Variants in TSHZ2 observed in about 807,000 individuals in gnomAD.
TSHZ2 encodes teashirt zinc finger homeobox 2.
In TSHZ2, 21 loss-of-function variants were observed where a neutral mutation model predicts 74.4. The ratio of observed to expected loss-of-function variants is 0.28; its 90% CI spans 0.20 to 0.41. TSHZ2 has a LOEUF of 0.41. Ranked by LOEUF, TSHZ2 falls within the 10% of genes least tolerant of loss-of-function variation. The probability of loss-of-function intolerance (pLI) is 1.00; values close to 1 mark genes in which losing one functional copy is unlikely to be tolerated. For missense variants in TSHZ2, 1,244 were observed against 1,293.5 expected, an observed-to-expected ratio of 0.96 and a Z score of 0.59; for synonymous variants, 540 against 515.3, an observed-to-expected ratio of 1.05 and a Z score of -0.65.
chr20:53,481,341 G>A (rs1007449753), intron 2 of TSHZ2, among the ~76,000 whole-genome samples: 4 of 152,104 alleles, frequency 2.6e-5, no homozygotes, highest in African/African-American at 7.2e-5. Context: ...GGAGGTCAAG[G>A]CAATAGGATT....
chr20:53,091,494 A>G (rs1985884452), intron 1 of TSHZ2, among the ~76,000 whole-genome samples: 1 of 152,224 alleles, frequency 6.6e-6, no homozygotes, highest in South Asian at 2.1e-4. Context: ...TTTACCTACT[A>G]CTTAAATCCT....
chr20:53,381,509 C>G (rs142137841), intron 2 of TSHZ2, among the ~76,000 whole-genome samples: 496 of 152,306 alleles, frequency 3.3e-3, no homozygotes, highest in Non-Finnish European at 5.9e-3. Flanking sequence ...ATGTCAGGTA[C>G]AATTTTCACA....
chr20:53,446,518 G>T (rs1337558560), intron 2 of TSHZ2, among the ~76,000 whole-genome samples: 1 of 148,616 alleles, frequency 6.7e-6, no homozygotes, highest in African/African-American at 2.5e-5. Context: ...GGCAGAGCTT[G>T]CAGTGAGTCA....
chr20:53,083,149 G>A (rs1985587749), intron 1 of TSHZ2, among the ~76,000 whole-genome samples: 1 of 152,202 alleles, frequency 6.6e-6, no homozygotes. Flanking sequence ...TAGGTATACA[G>A]CTAATCATTT....
At chr20:53,018,981 C>T (rs530489655) in intron 1 of TSHZ2, among the ~76,000 whole-genome samples, 30 of 152,274 alleles carry the variant, frequency 2.0e-4, no homozygotes, top group Non-Finnish European at 3.1e-4. Context: ...CTCTCATTTG[C>T]TCAATATTTG....
chr20:53,022,814 T>C (rs1983293953), intron 1 of TSHZ2, among the ~76,000 whole-genome samples: 1 of 152,244 alleles, frequency 6.6e-6, no homozygotes, highest in African/African-American at 2.4e-5. Flanking sequence ...GGAGTTCCTT[T>C]GTGTGAACCT....
chr20:53,383,578 G>T (rs1981935628), intron 2 of TSHZ2, among the ~76,000 whole-genome samples: 1 of 152,044 alleles, frequency 6.6e-6, no homozygotes, highest in Non-Finnish European at 1.5e-5. Flanking sequence ...TGGCCAATAT[G>T]GTGAAACCCC....
rs138685671 is a variant in TSHZ2 at position 53,409,597 on chromosome 20, T to A, written c.*9-77547T>A. On this transcript the variant is annotated intron_variant, in intron 2 of 2. Coordinates refer to ENST00000371497, the MANE Select transcript of TSHZ2 (RefSeq NM_173485.6). ...TGTAGTCCTTGTTTTCAGGATGTTGTTTGATAAAAGAAATATTGGTATGTG... is the reference window on the plus strand; with the variant it reads ...TGTAGTCCTTGTTTTCAGGATGTTGATTGATAAAAGAAATATTGGTATGTG... 4.6e-5 allele frequency among the ~76,000 whole-genome samples: 7 copies of A among 152,344 alleles called. No individual in the cohort carries two copies. The East Asian group carries it at 1.2e-3, about 25-fold the overall frequency.
intron 1 of TSHZ2, among the ~76,000 whole-genome samples, chr20:53,119,012 G>A (rs1986740930): frequency 6.6e-6 from 1 of 151,970 alleles, no homozygotes; most frequent in Non-Finnish European, 1.5e-5. Context: ...GATGTTGCAA[G>A]AACTCACTAT....
Position 53,493,963 on chromosome 20 carries a change from A to G in TSHZ2, c.*6828A>G, listed in dbSNP as rs1986512060. The G allele has an allele frequency of 6.6e-6, 1 of 152,202 alleles. No individual in the cohort carries two copies. The allele number at this position is 152,202 out of a possible 1,614,324, so 9.4% of individuals were successfully genotyped here. On this transcript the variant is annotated 3_prime_UTR_variant, in exon 3 of 3. Transcript: ENST00000371497. ...GCATTGTCACTGCCCAAAGACAAAC[A>G]ACCACTGGAAATGATGGCTTTCCTG...
intron 1 of TSHZ2, among the ~76,000 whole-genome samples, chr20:53,237,536 T>C (rs1989969229): frequency 6.6e-6 from 1 of 151,976 alleles, no homozygotes; most frequent in Non-Finnish European, 1.5e-5. Context: ...TGCGCGTGCA[T>C]CTGAATTTCT....
At chr20:53,185,955 G>T (rs1384611644) in intron 1 of TSHZ2, among the ~76,000 whole-genome samples, 3 of 152,206 alleles carry the variant, frequency 2.0e-5, no homozygotes, top group Admixed American at 6.5e-5. Flanking sequence ...TACTGTGAAT[G>T]GTGCCATCTT....
intron 1 of TSHZ2, among the ~76,000 whole-genome samples, chr20:53,173,734 G>A (rs1190641459): frequency 6.6e-6 from 1 of 152,154 alleles, no homozygotes; most frequent in African/African-American, 2.4e-5. Flanking sequence ...ATGGGTGGGT[G>A]GGTAGGCAGG....
chr20:53,314,287 C>CAAAA (rs5841941), intron 2 of TSHZ2, among the ~76,000 whole-genome samples: 6 of 131,710 alleles, frequency 4.6e-5, no homozygotes, highest in African/African-American at 5.8e-5. Context: ...GACTCTGTCT[C>CAAAA]AAAAAAAAAA....
intron 1 of TSHZ2, among the ~76,000 whole-genome samples, chr20:53,113,186 CTG>C (rs897037953): frequency 6.6e-6 from 1 of 152,168 alleles, no homozygotes; most frequent in Non-Finnish European, 1.5e-5. Flanking sequence ...TTATATCTGT[CTG>C]TAGAGAATAT....
intron 1 of TSHZ2, among the ~76,000 whole-genome samples, chr20:53,070,369 G>T (rs544432486): frequency 6.6e-6 from 1 of 152,182 alleles, no homozygotes; most frequent in Non-Finnish European, 1.5e-5. Flanking sequence ...ATCTTAATTA[G>T]CTGCCAATTT....
At chr20:53,100,365 T>A (rs2060940726) in intron 1 of TSHZ2, among the ~76,000 whole-genome samples, 1 of 152,188 alleles carries the variant, frequency 6.6e-6, no homozygotes, top group Non-Finnish European at 1.5e-5. Context: ...TCTAAACCCC[T>A]CGTTGGCTGT....
At chr20:53,418,853 G>T (rs1408261608) in intron 2 of TSHZ2, among the ~76,000 whole-genome samples, 3 of 152,172 alleles carry the variant, frequency 2.0e-5, no homozygotes, top group Non-Finnish European at 4.4e-5. Context: ...TAACACTAAG[G>T]CAGGCCACCC....
chr20:53,492,199 G>T lies in TSHZ2; in HGVS notation c.*5064G>T, dbSNP rs2145872211. ...CCCCTGCCAATAGCTAATATTAACA[G>T]AATTTGAACAATCATACAATTATGT... On this transcript the variant is annotated 3_prime_UTR_variant, in exon 3 of 3. Transcript: ENST00000371497. 1 of 152,060 alleles carries T rather than the reference G, an allele frequency of 6.6e-6. No individual in the cohort carries two copies. Among genetic ancestry groups the T allele is most frequent in the African/African-American group, 2.4e-5 (1 of 41,480 alleles). 9.4% of individuals were successfully genotyped at this position (152,060 alleles called of 1,614,324 possible). A position where few individuals can be genotyped will look rare whatever the true frequency, so the allele number is the denominator to read the frequency against.
Sources: gnomAD v4.1 joint callset for allele counts (sites outside exome capture counted in the v4.1 genomes callset) on GRCh38, gnomAD v4.1.1 for gene constraint, MANE v1.5 for transcripts, NCBI Gene and HGNC (gene_info 2026-07-23, HGNC 2026-07-21) for gene names.